Variants in CNTNAP2 observed in about 807,000 individuals in gnomAD.
The protein encoded by CNTNAP2 is contactin-associated protein-like 2.
In CNTNAP2, 98 loss-of-function variants were observed where a neutral mutation model predicts 155.2. The observed-to-expected ratio is 0.63, with a 90% CI of 0.54 to 0.75. The LOEUF is 0.75. CNTNAP2 is among the 30% of genes least tolerant of loss of function. The probability of loss-of-function intolerance (pLI) is 0.00; values close to 1 mark genes in which losing one functional copy is unlikely to be tolerated. For synonymous variants in CNTNAP2, 651 were observed against 631.2 expected, an observed-to-expected ratio of 1.03 and a Z score of -0.47; for missense variants, 1,727 against 1,688.1, an observed-to-expected ratio of 1.02 and a Z score of -0.40.
At chr7:147,578,465 A>G (rs2116822287) in intron 12 of CNTNAP2, among the ~76,000 whole-genome samples, 1 of 152,190 alleles carries the variant, frequency 6.6e-6, no homozygotes, top group South Asian at 2.1e-4. Context: ...GACCTTATTC[A>G]CATTGATTGC....
chr7:147,641,372 A>G (rs1219010498), intron 13 of CNTNAP2, among the ~76,000 whole-genome samples: 1 of 152,182 alleles, frequency 6.6e-6, no homozygotes, highest in East Asian at 1.9e-4. Flanking sequence ...GAAGGAAAGT[A>G]AATGCTGTGC....
chr7:147,458,387 A>T (rs4726861), intron 10 of CNTNAP2, among the ~76,000 whole-genome samples: 4 of 151,766 alleles, frequency 2.6e-5, no homozygotes, highest in Middle Eastern at 3.2e-3. Flanking sequence ...CTCACAAGCA[A>T]AAGTCTACTT....
At chr7:148,037,667 A>G (rs1400497948) in intron 15 of CNTNAP2, among the ~76,000 whole-genome samples, 1 of 151,452 alleles carries the variant, frequency 6.6e-6, no homozygotes, top group Non-Finnish European at 1.5e-5. Context: ...AGAGAGAGAG[A>G]AGAACCACAT....
intron 8 of CNTNAP2, among the ~76,000 whole-genome samples, chr7:147,203,258 A>G (rs2116554012): frequency 6.6e-6 from 1 of 152,190 alleles, no homozygotes; most frequent in South Asian, 2.1e-4. Context: ...ATTTTAATTT[A>G]TTTTGGGATG....
intron 13 of CNTNAP2, among the ~76,000 whole-genome samples, chr7:147,690,381 A>C (rs904148821): frequency 2.0e-5 from 3 of 152,084 alleles, no homozygotes; most frequent in African/African-American, 7.2e-5. Context: ...ATTTCTGTGT[A>C]GCTTTCCTCT....
intron 3 of CNTNAP2, among the ~76,000 whole-genome samples, chr7:146,863,958 T>C (rs1219108267): frequency 6.6e-6 from 1 of 152,138 alleles, no homozygotes; most frequent in African/African-American, 2.4e-5. Context: ...TTGCTATTGA[T>C]AGAGGTTGTT....
intron 4 of CNTNAP2, among the ~76,000 whole-genome samples, chr7:147,071,081 G>C (rs1799881325): frequency 6.6e-6 from 1 of 151,900 alleles, no homozygotes; most frequent in African/African-American, 2.4e-5. Context: ...TCTTCCAGCT[G>C]TTTCACCATA....
chr7:147,317,092 T>C (rs1183714382), intron 9 of CNTNAP2, among the ~76,000 whole-genome samples: 1 of 152,224 alleles, frequency 6.6e-6, no homozygotes, highest in Non-Finnish European at 1.5e-5. Flanking sequence ...TTATTTATTA[T>C]CCATAACTAT....
At chr7:147,709,094 G>A (rs973603603) in intron 13 of CNTNAP2, among the ~76,000 whole-genome samples, 2 of 152,140 alleles carry the variant, frequency 1.3e-5, no homozygotes, top group Admixed American at 6.5e-5. Flanking sequence ...GATGCCTCCA[G>A]CTGTTAGATC....
At position 146,871,725 on chromosome 7, in the gene CNTNAP2, G is replaced by T. The variant is rs190549547; in HGVS notation, c.402+31821G>T. On this transcript the variant is annotated intron_variant, in intron 3 of 23. Transcript: ENST00000361727. The stretch of plus-strand genomic sequence containing the variant: ...TATATTTTCAATGAGATAGTGACAT[G>T]GATGTATTTTTGGTTATAAATCATA... Among the ~76,000 whole-genome samples the T allele has an allele frequency of 5.7e-4, 86 of 151,800 alleles. No homozygotes were observed. The East Asian group carries it at 0.013, about 23-fold the overall frequency.
At chr7:147,687,846 TATG>T (rs1400310205) in intron 13 of CNTNAP2, among the ~76,000 whole-genome samples, 1 of 152,148 alleles carries the variant, frequency 6.6e-6, no homozygotes, top group African/African-American at 2.4e-5. Flanking sequence ...TCACCTTCTC[TATG>T]ATAACATCCA....
At chr7:146,607,054 T>G (rs1364476330) in intron 1 of CNTNAP2, among the ~76,000 whole-genome samples, 1 of 152,182 alleles carries the variant, frequency 6.6e-6, no homozygotes, top group Non-Finnish European at 1.5e-5. Flanking sequence ...TTATTTATTC[T>G]AAGGAAGGAG....
At chr7:148,414,177 A>G (rs1294792088) in intron 23 of CNTNAP2, among the ~76,000 whole-genome samples, 1 of 144,248 alleles carries the variant, frequency 6.9e-6, no homozygotes, top group Non-Finnish European at 1.5e-5. Flanking sequence ...CCCAGGTTCA[A>G]GCGATTCTCA....
intron 1 of CNTNAP2, among the ~76,000 whole-genome samples, chr7:146,616,909 C>T (rs902174726): frequency 6.6e-6 from 1 of 151,842 alleles, no homozygotes; most frequent in Non-Finnish European, 1.5e-5. Flanking sequence ...AGAAAAAAAA[C>T]CTAAAGTTGC....
chr7:147,344,840 T>C (rs898662792), intron 9 of CNTNAP2, among the ~76,000 whole-genome samples: 2 of 152,144 alleles, frequency 1.3e-5, no homozygotes, highest in Non-Finnish European at 1.5e-5. Flanking sequence ...ATCATCTGAT[T>C]CTTCTGTTGA....
At chr7:147,545,675 C>T (rs1799716643) in intron 11 of CNTNAP2, among the ~76,000 whole-genome samples, 1 of 152,134 alleles carries the variant, frequency 6.6e-6, no homozygotes. Context: ...TTAGTCTGTT[C>T]CTCAGCTGGG....
chr7:148,045,530 G>T (rs1802760389), intron 15 of CNTNAP2, among the ~76,000 whole-genome samples: 1 of 152,178 alleles, frequency 6.6e-6, no homozygotes, highest in African/African-American at 2.4e-5. Flanking sequence ...CTAGGAGGAA[G>T]CAGAGAACTA....
intron 3 of CNTNAP2, among the ~76,000 whole-genome samples, chr7:146,965,164 C>T (rs1331118284): frequency 6.6e-6 from 1 of 152,006 alleles, no homozygotes; most frequent in Non-Finnish European, 1.5e-5. Flanking sequence ...GGGGTGCAAT[C>T]ATTTAAAACT....
chr7:146,956,612 A>G (rs1042831922), intron 3 of CNTNAP2, among the ~76,000 whole-genome samples: 2 of 152,166 alleles, frequency 1.3e-5, no homozygotes, highest in African/African-American at 2.4e-5. Flanking sequence ...AACAGACAGT[A>G]TTATGAATAC....
Sources: allele counts gnomAD v4.1 joint callset (sites outside exome capture counted in the v4.1 genomes callset), GRCh38; gene constraint gnomAD v4.1.1; transcripts MANE v1.5; gene names NCBI Gene and HGNC (gene_info 2026-07-23, HGNC 2026-07-21).